Variants in ZCWPW2 observed in about 807,000 individuals in gnomAD.
The protein encoded by ZCWPW2 is zinc finger CW-type PWWP domain protein 2.
Under a neutral mutation model 46.6 loss-of-function variants are expected in ZCWPW2, and 45 were observed. The ratio of observed to expected loss-of-function variants is 0.96; its 90% CI spans 0.76 to 1.24. The LOEUF is 1.24. ZCWPW2 is among the 50% of genes most tolerant of loss of function. The pLI, the probability that ZCWPW2 is intolerant of heterozygous loss-of-function variation, is 0.00. For synonymous variants in ZCWPW2, 152 were observed against 137.1 expected, an observed-to-expected ratio of 1.11 and a Z score of -0.76; for missense variants, 429 against 403.9, an observed-to-expected ratio of 1.06 and a Z score of -0.53.
intron 1 of ZCWPW2, among the ~76,000 whole-genome samples, chr3:28,385,658 A>G (rs1695244303): frequency 6.6e-6 from 1 of 152,180 alleles, no homozygotes; most frequent in Non-Finnish European, 1.5e-5. Flanking sequence ...TGGTTGACCA[A>G]AATTGATTGC....
chr3:28,518,506 A>G (rs996703487), intron 8 of ZCWPW2, among the ~76,000 whole-genome samples: 2 of 152,186 alleles, frequency 1.3e-5, no homozygotes, highest in African/African-American at 4.8e-5. Flanking sequence ...ACTGCTCTGG[A>G]AGCAGAAGCT....
intron 2 of ZCWPW2, among the ~76,000 whole-genome samples, chr3:28,395,868 G>A (rs1464655735): frequency 1.3e-5 from 2 of 151,964 alleles, no homozygotes; most frequent in East Asian, 1.9e-4. Flanking sequence ...CTTAAAATTC[G>A]CTAAAATATT....
chr3:28,353,053 C>T (rs989180894), intron 1 of ZCWPW2, among the ~76,000 whole-genome samples: 1 of 151,974 alleles, frequency 6.6e-6, no homozygotes, highest in African/African-American at 2.4e-5. Flanking sequence ...CATGGTGGCT[C>T]ACTCCTGTAG....
intron 4 of ZCWPW2, chr3:28,448,185 C>T (rs1001788435): frequency 5.9e-6 from 1 of 168,560 alleles, no homozygotes; most frequent in African/African-American, 2.4e-5. Flanking sequence ...ATATGATCTT[C>T]TGAGTAGGAA....
chr3:28,360,808 G>GA (rs1196493133), intron 1 of ZCWPW2, among the ~76,000 whole-genome samples: 4 of 151,380 alleles, frequency 2.6e-5, no homozygotes, highest in Non-Finnish European at 5.9e-5. Context: ...ACCTTGAAAA[G>GA]AAAAAAAAGC....
chr3:28,373,361 G>A (rs746156813), intron 1 of ZCWPW2, among the ~76,000 whole-genome samples: 5 of 151,934 alleles, frequency 3.3e-5, no homozygotes, highest in Non-Finnish European at 7.4e-5. Flanking sequence ...TACTGGGGTG[G>A]GATGATATCT....
chr3:28,393,653 G>C (rs1466455611), intron 2 of ZCWPW2, among the ~76,000 whole-genome samples: 2 of 152,054 alleles, frequency 1.3e-5, no homozygotes, highest in East Asian at 3.8e-4. Flanking sequence ...ATGAATAAAT[G>C]TTATATGCCA....
At chr3:28,390,792 C>T (rs1327756143) in intron 2 of ZCWPW2, among the ~76,000 whole-genome samples, 175 bp downstream of exon 2, 1 of 152,168 alleles carries the variant, frequency 6.6e-6, no homozygotes, top group Non-Finnish European at 1.5e-5. Context: ...GGTTAAATGA[C>T]TTTCCCAAAG....
At chr3:28,498,970 C>A (rs933913181) in intron 6 of ZCWPW2, among the ~76,000 whole-genome samples, 1 of 152,116 alleles carries the variant, frequency 6.6e-6, no homozygotes, top group Non-Finnish European at 1.5e-5. Context: ...CTGCAAAGGA[C>A]GTGAACTCAT....
chr3:28,432,161 A>G (rs2125760070), intron 3 of ZCWPW2, among the ~76,000 whole-genome samples: 1 of 152,310 alleles, frequency 6.6e-6, no homozygotes, highest in South Asian at 2.1e-4. Context: ...AAGCCTAACC[A>G]TATCAGTGCG....
chr3:28,521,153 C>A, intron 9 of ZCWPW2, 37 bp downstream of exon 9: 1 of 1,561,414 alleles, frequency 6.4e-7, no homozygotes, highest in Admixed American at 2.2e-5. Flanking sequence ...TAAATAACAA[C>A]TTCAAATTCT....
At chr3:28,404,145 G>T (rs535313959) in intron 2 of ZCWPW2, among the ~76,000 whole-genome samples, 1 of 151,646 alleles carries the variant, frequency 6.6e-6, no homozygotes, top group Non-Finnish European at 1.5e-5. Flanking sequence ...ATCTGACAAA[G>T]GACTAATATC....
At chr3:28,495,472 T>G (rs1167469441) in intron 6 of ZCWPW2, among the ~76,000 whole-genome samples, 1 of 152,094 alleles carries the variant, frequency 6.6e-6, no homozygotes, top group Non-Finnish European at 1.5e-5. Flanking sequence ...TTTGTACCAG[T>G]TGTTCTTAAC....
chr3:28,448,461 T>C (rs1224242675), intron 4 of ZCWPW2, among the ~76,000 whole-genome samples: 3 of 152,062 alleles, frequency 2.0e-5, no homozygotes, highest in Admixed American at 1.3e-4. Flanking sequence ...ATATGTTCCA[T>C]GTTCACAGAC....
chr3:28,400,424 C>T (rs550082517), intron 2 of ZCWPW2, among the ~76,000 whole-genome samples: 10 of 152,246 alleles, frequency 6.6e-5, no homozygotes, highest in African/African-American at 1.7e-4. Flanking sequence ...CATTCAAATA[C>T]AAGAAGCACA....
chr3:28,450,230 A>T (rs967513465), intron 4 of ZCWPW2, among the ~76,000 whole-genome samples: 1 of 152,134 alleles, frequency 6.6e-6, no homozygotes, highest in African/African-American at 2.4e-5. Context: ...GTTATGGTTT[A>T]TAGCTTTCTG....
At chr3:28,484,768 G>A (rs1450655793) in intron 5 of ZCWPW2, among the ~76,000 whole-genome samples, 2 of 140,852 alleles carry the variant, frequency 1.4e-5, no homozygotes, top group African/African-American at 5.3e-5. Flanking sequence ...CTGCCTTCCT[G>A]TCTTCCTTCT....
intron 5 of ZCWPW2, among the ~76,000 whole-genome samples, chr3:28,487,888 G>T (rs1395649350): frequency 2.6e-5 from 4 of 151,976 alleles, no homozygotes; most frequent in Non-Finnish European, 4.4e-5. Flanking sequence ...GGCTGGAGTT[G>T]AGTATTTTGC....
At position 28,522,573 on chromosome 3, in the gene ZCWPW2, TTTA is replaced by T. The variant is rs569300933; in HGVS notation, c.909+1460_909+1462del. Among the ~76,000 whole-genome samples the T allele has an allele frequency of 5.3e-5, 8 of 152,206 alleles. No individual in the cohort carries two copies. In the South Asian group the frequency reaches 8.3e-4, roughly 16 times the overall value. On this transcript the variant is annotated intron_variant, in intron 9 of 9. Transcript: ENST00000383768. The stretch of plus-strand genomic sequence containing the variant: ...AAATAGATTATTCGTAAACATGTCC[TTTA>T]TTGAGTTAGAAATTAATAAAATATA...
Sources: allele counts gnomAD v4.1 joint callset (sites outside exome capture counted in the v4.1 genomes callset), GRCh38; gene constraint gnomAD v4.1.1; transcripts MANE v1.5; gene names NCBI Gene and HGNC (gene_info 2026-07-23, HGNC 2026-07-21).